TTLL11: variants seen among roughly 807,000 people sequenced by gnomAD.
The protein encoded by TTLL11 is tubulin polyglutamylase TTLL11.
In TTLL11, 42 loss-of-function variants were observed where a neutral mutation model predicts 51.7. The ratio of observed to expected loss-of-function variants is 0.81; its 90% CI spans 0.64 to 1.05. The LOEUF is 1.05. Ranked by LOEUF, TTLL11 falls within the 50% of genes least tolerant of loss-of-function variation. TTLL11 has a pLI of 0.00. For missense variants in TTLL11, 799 were observed against 940.4 expected (o/e 0.85, Z 1.97); for synonymous variants, 381 against 383.5 (o/e 0.99, Z 0.08).
At chr9:121,973,511 G>C (rs1403532390) in intron 6 of TTLL11, among the ~76,000 whole-genome samples, 3 of 151,172 alleles carry the variant, frequency 2.0e-5, no homozygotes, top group Non-Finnish European at 4.4e-5. Context: ...ATTCCGTATG[G>C]AATTCTGGGT....
At chr9:122,055,203 G>GGATAGATAGATGATA (rs1845258882) in intron 1 of TTLL11, among the ~76,000 whole-genome samples, 1 of 144,652 alleles carries the variant, frequency 6.9e-6, no homozygotes, top group Non-Finnish European at 1.5e-5. Flanking sequence ...AGGACTAATA[G>GGATAGATAGATGATA]GATAGATAGA....
At chr9:121,879,778 CAACAT>C (rs1838711669) in intron 6 of TTLL11, among the ~76,000 whole-genome samples, 4 of 88,108 alleles carry the variant, frequency 4.5e-5, no homozygotes, top group Admixed American at 9.8e-5. Flanking sequence ...CCAGGCTGGG[CAACAT>C]AGCGAGACCC....
chr9:121,873,059 G>C (rs539350309), intron 6 of TTLL11, among the ~76,000 whole-genome samples: 4 of 152,198 alleles, frequency 2.6e-5, no homozygotes, highest in African/African-American at 9.7e-5. Context: ...TGGGTAAGTG[G>C]CAATCAATGA....
chr9:121,896,467 A>G (rs1331565084), intron 6 of TTLL11, among the ~76,000 whole-genome samples: 1 of 151,318 alleles, frequency 6.6e-6, no homozygotes, highest in Non-Finnish European at 1.5e-5. Flanking sequence ...TTGGTGCCCA[A>G]CCTCTTCGGT....
intron 3 of TTLL11, among the ~76,000 whole-genome samples, chr9:122,007,139 T>C (rs1376504242): frequency 6.6e-6 from 1 of 152,028 alleles, no homozygotes; most frequent in African/African-American, 2.4e-5. Flanking sequence ...GGATTAAAAG[T>C]AGGGGAGAGG....
chr9:122,056,412 AG>A (rs1450450959), intron 1 of TTLL11, among the ~76,000 whole-genome samples: 2 of 152,244 alleles, frequency 1.3e-5, no homozygotes, highest in Admixed American at 6.5e-5. Flanking sequence ...ACTATGAAAT[AG>A]GTAGATATAT....
intron 6 of TTLL11, among the ~76,000 whole-genome samples, chr9:121,948,406 A>C (rs1163801584): frequency 2.0e-5 from 3 of 152,230 alleles, no homozygotes; most frequent in African/African-American, 7.2e-5. Flanking sequence ...TGTTTCTTAC[A>C]TATGTTTCTG....
chr9:121,834,260 C>T (rs1014846854), intron 8 of TTLL11, among the ~76,000 whole-genome samples: 7 of 152,160 alleles, frequency 4.6e-5, no homozygotes, highest in Admixed American at 6.5e-5. Flanking sequence ...ACCACAATCT[C>T]TCTAGGCCTG....
chr9:121,832,993 A>G (rs1837070269), intron 8 of TTLL11, among the ~76,000 whole-genome samples: 1 of 149,404 alleles, frequency 6.7e-6, no homozygotes, highest in Non-Finnish European at 1.5e-5. Context: ...GTTTTCAAAG[A>G]TTTGACCAAG....
chr9:121,879,623 G>T (rs905681413), intron 6 of TTLL11, among the ~76,000 whole-genome samples: 1 of 152,174 alleles, frequency 6.6e-6, no homozygotes, highest in African/African-American at 2.4e-5. Flanking sequence ...GGTGGCAAAG[G>T]CAGGCTAAGG....
intron 3 of TTLL11, among the ~76,000 whole-genome samples, chr9:122,010,726 A>G (rs1170523785): frequency 6.6e-6 from 1 of 152,206 alleles, no homozygotes; most frequent in Non-Finnish European, 1.5e-5. Context: ...TCCATATCAC[A>G]TCTGTTTACA....
At chr9:121,991,117 TG>T (rs2131697933) in intron 3 of TTLL11, among the ~76,000 whole-genome samples, 1 of 152,302 alleles carries the variant, frequency 6.6e-6, no homozygotes, top group East Asian at 1.9e-4. Context: ...GCTGAGTTGG[TG>T]GGTGCCCCAG....
chr9:121,901,673 G>A (rs977857534), intron 6 of TTLL11, among the ~76,000 whole-genome samples: 3 of 151,368 alleles, frequency 2.0e-5, no homozygotes, highest in South Asian at 2.1e-4. Flanking sequence ...TGGTTCACTC[G>A]CTGAGAATGT....
At chr9:122,090,239 T>G (rs533804440) in intron 1 of TTLL11, among the ~76,000 whole-genome samples, 1 of 152,108 alleles carries the variant, frequency 6.6e-6, no homozygotes, top group South Asian at 2.1e-4. Flanking sequence ...ACTTTACAGA[T>G]AAGCAAACTG....
chr9:121,822,940 G>T lies in TTLL11; in HGVS notation c.1841-61C>A, dbSNP rs1015367400. 1.8e-5 allele frequency: 26 copies of T among 1,464,780 alleles called. 1 individual carries two copies. In the Middle Eastern group the frequency reaches 7.8e-4, roughly 44 times the overall value. 90.7% of individuals were successfully genotyped at this position (1,464,780 alleles called of 1,614,324 possible). A position where few individuals can be genotyped will look rare whatever the true frequency, so the allele number is the denominator to read the frequency against. ...AGCTGCCCTACGCTGCCCTGGGAAGGCCCACCTCCAGCCACAAGGATGTCA... is the reference window on the plus strand; with the variant it reads ...AGCTGCCCTACGCTGCCCTGGGAAGTCCCACCTCCAGCCACAAGGATGTCA... On this transcript the variant is annotated intron_variant, in intron 8 of 8. Transcript: ENST00000321582. This position sits in a 1 kb window ranked among gnomAD's most constrained non-coding sequence, Gnocchi z 5.8.
chr9:121,944,014 T>C (rs912090606), intron 6 of TTLL11, among the ~76,000 whole-genome samples: 1 of 152,244 alleles, frequency 6.6e-6, no homozygotes, highest in East Asian at 1.9e-4. Flanking sequence ...CCCAGATTAA[T>C]GGACATTTAC....
intron 1 of TTLL11, among the ~76,000 whole-genome samples, chr9:122,070,673 G>A (rs905029812): frequency 6.6e-6 from 1 of 152,160 alleles, no homozygotes; most frequent in Non-Finnish European, 1.5e-5. Flanking sequence ...TGAAGGAGAC[G>A]GAAGGACAGA....
intron 6 of TTLL11, among the ~76,000 whole-genome samples, chr9:121,912,196 T>C (rs886491710): frequency 6.6e-6 from 1 of 152,148 alleles, no homozygotes; most frequent in Non-Finnish European, 1.5e-5. Context: ...TAGATCCAAC[T>C]CAAATCTGCA....
intron 8 of TTLL11, among the ~76,000 whole-genome samples, chr9:121,834,410 A>C (rs767116248): frequency 1.3e-5 from 2 of 152,020 alleles, no homozygotes; most frequent in African/African-American, 2.4e-5. Flanking sequence ...ACTGCCTGTC[A>C]AGGCATTTTA....
Sources: allele counts gnomAD v4.1 joint callset (sites outside exome capture counted in the v4.1 genomes callset), GRCh38; gene constraint gnomAD v4.1.1; non-coding constraint Gnocchi (gnomAD v3.1); transcripts MANE v1.5; gene names NCBI Gene and HGNC (gene_info 2026-07-23, HGNC 2026-07-21).